The following UNC93A variants were observed in gnomAD, a reference collection of about 807,000 sequenced individuals.
UNC93A encodes the protein unc-93 homolog A, also known as N-acetylglucosamine transporter UNC93A.
Under a neutral mutation model 47.5 loss-of-function variants are expected in UNC93A, and 43 were observed. The ratio of observed to expected loss-of-function variants is 0.91; its 90% CI spans 0.71 to 1.17. The LOEUF is 1.17. Among genes scored for constraint, UNC93A ranks in the 50% most tolerant of loss-of-function variants. UNC93A has a pLI of 0.00. For missense variants in UNC93A, 605 were observed against 577.6 expected (o/e 1.05, Z -0.49); for synonymous variants, 280 against 258.0 (o/e 1.09, Z -0.82).
chr6:167,307,576 GGTTGAGATA>G (rs373761164), intron 6 of UNC93A, among the ~76,000 whole-genome samples, 194 bp from the exon 7 acceptor site: 6,208 of 151,064 alleles, frequency 0.041, 434 homozygotes, highest in African/African-American at 0.14. Context: ...TCCAGAGGAC[GGTTGAGATA>G]GTTGAGATGG....
upstream of UNC93A, among the ~76,000 whole-genome samples, chr6:167,288,070 A>G (rs1439204938): frequency 2.0e-5 from 3 of 152,216 alleles, no homozygotes; most frequent in African/African-American, 7.2e-5. Context: ...ATCCCAGGAC[A>G]TCACCAGCAG....
At position 167,280,582 on chromosome 6, in the gene UNC93A, G is replaced by A. The variant is rs545830660; in HGVS notation, c.-52+9124G>A. Among the ~76,000 whole-genome samples, 74 of 152,274 alleles carry A rather than the reference G, an allele frequency of 4.9e-4. 3 individuals are homozygous for A. The highest frequency in any genetic ancestry group is 1.8e-3 in the African/African-American group (73 of 41,536). The stretch of plus-strand genomic sequence containing the variant: ...AATTATGAATATCTCAGTCCTTAGA[G>A]AGTCAGACAGAGAGCCCCGAGGCCG... On this transcript the variant is annotated intron_variant, in intron 1 of 3. Transcript: ENST00000503433.
intron 1 of UNC93A, 77 bp from the exon 2 acceptor site, chr6:167,294,440 G>C (rs930059377): frequency 1.3e-6 from 2 of 1,543,912 alleles, no homozygotes; most frequent in Non-Finnish European, 1.8e-6. Context: ...CCAGCCTGGG[G>C]GACACTGAGG....
Position 167,315,434 on chromosome 6 carries a change from AAT to A in UNC93A, c.1358_1359del (p.Ile453ThrfsTer31). 6.2e-7 allele frequency: 1 copy of A among 1,614,010 alleles called. No individual in the cohort carries two copies. The highest frequency in any genetic ancestry group is 1.1e-5 in the South Asian group (1 of 91,072). ...AGGTCAACCAGGCAGAGGATGAAGA[AAT>A]ACAAACAAAAATGTGAGAGCAGTGA... Reference protein sequence around the residue: ...GQVNQAEDEEIQTKM With the variant: ...GQVNQAEDEEXQTKM On this transcript the variant is annotated frameshift_variant, in exon 8 of 8. Coordinates refer to ENST00000230256, the MANE Select transcript of UNC93A (RefSeq NM_018974.4). LOFTEE classifies it high-confidence loss of function.
At position 167,285,506 on chromosome 6, in the gene UNC93A, C is replaced by T. The variant is rs1370747643; in HGVS notation, c.-51-5933C>T. 4.6e-5 allele frequency among the ~76,000 whole-genome samples: 7 copies of T among 151,762 alleles called. No individual in the cohort carries two copies. The Admixed American group carries it at 4.6e-4, about 10-fold the overall frequency. Reference sequence around the variant, plus strand: ...CACACTGCAGTGCCCACATGTGCCTCGATGGTGGCCTGACTCGCCCGTGGG... The same window carrying T: ...CACACTGCAGTGCCCACATGTGCCTTGATGGTGGCCTGACTCGCCCGTGGG... On this transcript the variant is annotated intron_variant, in intron 1 of 3. Coordinates refer to the UNC93A transcript ENST00000503433.
At chr6:167,271,755 C>T (rs1228007329) in intron 1 of UNC93A, among the ~76,000 whole-genome samples, 2 of 152,144 alleles carry the variant, frequency 1.3e-5, no homozygotes, top group Non-Finnish European at 2.9e-5. Context: ...CACATGGGAG[C>T]ACTCAGCCAT....
intron 7 of UNC93A, among the ~76,000 whole-genome samples, chr6:167,310,651 C>T (rs1195210996): frequency 6.6e-6 from 1 of 152,154 alleles, no homozygotes; most frequent in Non-Finnish European, 1.5e-5. Context: ...GAGGATGAAC[C>T]AGACAGATCA....
At chr6:167,272,864 C>T (rs1041500343) in intron 1 of UNC93A, among the ~76,000 whole-genome samples, 2 of 152,174 alleles carry the variant, frequency 1.3e-5, no homozygotes, top group Non-Finnish European at 2.9e-5. Flanking sequence ...TGTTTCTTAT[C>T]AGAGGTAAGG....
intron 1 of UNC93A, among the ~76,000 whole-genome samples, chr6:167,281,339 G>C (rs1407083183): frequency 6.6e-6 from 1 of 152,154 alleles, no homozygotes; most frequent in East Asian, 1.9e-4. Flanking sequence ...CTCCCAAGCT[G>C]CCTGTTTATT....
At position 167,300,742 on chromosome 6, in the gene UNC93A, C is replaced by T. The variant is rs147127760; in HGVS notation, c.625+2672C>T. The stretch of plus-strand genomic sequence containing the variant: ...CCTGTGCTTCCCCAACACTTCCCCT[C>T]ACCACCTCCTCTACATAACTAGGAG... On this transcript the variant is annotated intron_variant, in intron 4 of 7. Transcript: ENST00000230256. Among the ~76,000 whole-genome samples, 3 of 152,276 alleles carry T rather than the reference C, an allele frequency of 2.0e-5. No homozygotes were observed. In the East Asian group the frequency reaches 5.8e-4, roughly 29 times the overall value.
rs769818090 is a variant in UNC93A, at chr6:167,315,368, C to T, written c.1290C>T (p.Cys430=). The T allele has an allele frequency of 6.2e-6, 10 of 1,613,736 alleles. No individual in the cohort carries two copies. The highest frequency in any genetic ancestry group is 1.3e-5 in the African/African-American group (1 of 74,852). The change falls in exon 8 of 8, where the codon TGC becomes TGT. Residue 430 remains cysteine, a synonymous_variant. Coordinates refer to ENST00000230256, the MANE Select transcript of UNC93A (RefSeq NM_018974.4). ...TGGTGGCGTATGGGCTTGTGGAGTGCGTGGAGTCCAAGAACCCGATCAGAC... is the reference window on the plus strand; with the variant it reads ...TGGTGGCGTATGGGCTTGTGGAGTGTGTGGAGTCCAAGAACCCGATCAGAC... The part of the protein sequence containing the change: ...LTMVAYGLVE[C]VESKNPIRPH...
intron 6 of UNC93A, among the ~76,000 whole-genome samples, chr6:167,307,090 T>C (rs1189070194): frequency 6.6e-6 from 1 of 152,148 alleles, no homozygotes; most frequent in Non-Finnish European, 1.5e-5. Context: ...CCCTGGCTAC[T>C]CGGAAAGGTG....
At chr6:167,304,166 C>G in intron 5 of UNC93A, 33 bp downstream of exon 5, 1 of 1,610,042 alleles carries the variant, frequency 6.2e-7, no homozygotes, top group Non-Finnish European at 8.5e-7. Flanking sequence ...GTGGCTCAGG[C>G]CATGCGTGGC....
rs1364512353 is a variant in UNC93A, at chr6:167,307,885, T to A, written c.1083T>A (p.Asp361Glu). Residue 361 changes from aspartate (D) to glutamate (E), a missense_variant, in exon 7 of 8, where the codon GAT (aspartate) becomes GAA (glutamate). By Grantham distance (45) the Asp-to-Glu change is conservative. Coordinates refer to ENST00000230256, the MANE Select transcript of UNC93A (RefSeq NM_018974.4). ...FVFSGLWGVA[D>E]AVWQTQNNAL... ...TCTCTGGCCTGTGGGGCGTGGCAGA[T>A]GCCGTCTGGCAGACACAAAACAATG... The A allele has an allele frequency of 6.2e-7, 1 of 1,613,800 alleles. No individual in the cohort carries two copies. The highest frequency in any genetic ancestry group is 8.5e-7 in the Non-Finnish European group (1 of 1,179,864).
chr6:167,292,752 G>A (rs971297370), intron 1 of UNC93A, among the ~76,000 whole-genome samples: 1 of 152,200 alleles, frequency 6.6e-6, no homozygotes, highest in Non-Finnish European at 1.5e-5. Context: ...TGAGGTGAGT[G>A]CATGTTGAAT....
upstream of UNC93A, among the ~76,000 whole-genome samples, chr6:167,290,241 A>G (rs1430847679): frequency 6.6e-6 from 1 of 152,224 alleles, no homozygotes; most frequent in Non-Finnish European, 1.5e-5. Flanking sequence ...TAAGCATGAT[A>G]GTCCATGTTT....
chr6:167,291,276 G>A, upstream of UNC93A: 1 of 419,326 alleles, frequency 2.4e-6, no homozygotes, highest in South Asian at 6.7e-5. Context: ...GAGTAACAGA[G>A]CTCCCGTATG....
At chr6:167,297,719 C>T (rs370561065) in intron 3 of UNC93A, among the ~76,000 whole-genome samples, 10 of 152,246 alleles carry the variant, frequency 6.6e-5, no homozygotes, top group African/African-American at 1.2e-4. Context: ...TTGCAGAACA[C>T]GAATAGGATT....
rs757783469 is a variant in UNC93A, at chr6:167,296,043, T to A, written c.281T>A (p.Ile94Asn). The A allele has an allele frequency of 5.6e-6, 9 of 1,613,948 alleles. No homozygotes were observed. In the South Asian group the frequency reaches 8.8e-5, roughly 16 times the overall value. ...GNFFASWYTL[I>N]PTSILLGLGA... ...CATTTTACCCACAGGTACACTTTGA[T>A]CCCCACCTCCATACTGCTGGGACTC... is the stretch of plus-strand genomic sequence containing the variant. The change falls in exon 3 of 8, where the codon ATC (isoleucine) becomes AAC (asparagine). Residue 94 changes from isoleucine (I) to asparagine (N), a missense_variant. Physicochemically the swap from Ile to Asn is moderately radical, Grantham distance 149 (BLOSUM62 -3). Transcript: ENST00000230256.
Sources: allele counts gnomAD v4.1 joint callset (sites outside exome capture counted in the v4.1 genomes callset), GRCh38; gene constraint gnomAD v4.1.1; transcripts MANE v1.5; gene names NCBI Gene and HGNC (gene_info 2026-07-23, HGNC 2026-07-21).